The following EHMT1 variants were observed in gnomAD, a reference collection of about 807,000 sequenced individuals.
The protein encoded by EHMT1 is euchromatic histone lysine methyltransferase 1.
Under a neutral mutation model 147.2 loss-of-function variants are expected in EHMT1, and 15 were observed. The ratio of observed to expected loss-of-function variants is 0.10; its 90% CI spans 0.07 to 0.16. EHMT1 has a LOEUF of 0.16. EHMT1 is among the 10% of genes least tolerant of loss of function. The probability of loss-of-function intolerance (pLI) is 1.00; values close to 1 mark genes in which losing one functional copy is unlikely to be tolerated. For missense variants in EHMT1, 1,587 were observed against 1,772.4 expected (o/e 0.90, Z 1.88); for synonymous variants, 795 against 709.6 (o/e 1.12, Z -1.91).
intron 15 of EHMT1, among the ~76,000 whole-genome samples, chr9:137,790,433 G>A (rs1282065053): frequency 6.6e-6 from 1 of 152,154 alleles, no homozygotes; most frequent in African/African-American, 2.4e-5. Context: ...ACTTATTTTG[G>A]CGAGTACTAA....
chr9:137,643,727 T>C (rs1476733196), intron 1 of EHMT1, among the ~76,000 whole-genome samples: 1 of 152,174 alleles, frequency 6.6e-6, no homozygotes, highest in Non-Finnish European at 1.5e-5. Flanking sequence ...TGCTCATCTC[T>C]CAGGACCCTC....
rs1164728996 is a variant in EHMT1 at position 137,731,582 on chromosome 9, G to A, written c.823+3053G>A. ...CAGTGTCCATACAGAGCAGGAATCGGGGTACGTCCTATCCTGTTGTCACAG... is the reference window on the plus strand; with the variant it reads ...CAGTGTCCATACAGAGCAGGAATCGAGGTACGTCCTATCCTGTTGTCACAG... On this transcript the variant is annotated intron_variant, in intron 4 of 26. Coordinates refer to ENST00000460843, the MANE Select transcript of EHMT1 (RefSeq NM_024757.5). This position sits in a 1 kb window ranked among gnomAD's most constrained non-coding sequence, Gnocchi z 4.3. Among the ~76,000 whole-genome samples the A allele has an allele frequency of 1.3e-5, 2 of 152,178 alleles. No homozygotes were observed. The highest frequency in any genetic ancestry group is 4.8e-5 in the African/African-American group (2 of 41,440).
chr9:137,717,292 C>G, intron 3 of EHMT1, 110 bp downstream of exon 3: 2 of 1,388,716 alleles, frequency 1.4e-6, no homozygotes, highest in African/African-American at 1.4e-5. Flanking sequence ...CAGTGGTTAT[C>G]CGACAGGGCC....
chr9:137,764,778 C>T (rs1279156571), intron 10 of EHMT1: 1 of 152,200 alleles, frequency 6.6e-6, no homozygotes, highest in South Asian at 2.1e-4. Context: ...TGCAATGTCT[C>T]TTAAGTCTTT....
chr9:137,673,257 GGC>G (rs1940885947), intron 1 of EHMT1, among the ~76,000 whole-genome samples: 1 of 152,146 alleles, frequency 6.6e-6, no homozygotes, highest in African/African-American at 2.4e-5. Context: ...GCTCAGAGCT[GGC>G]CTGGACCAAG....
intron 4 of EHMT1, among the ~76,000 whole-genome samples, chr9:137,740,668 C>T (rs925990494): frequency 7.6e-5 from 9 of 117,852 alleles, no homozygotes; most frequent in Non-Finnish European, 1.4e-4. Context: ...TGTTTCTCTA[C>T]TATTTAATGT....
intron 1 of EHMT1, chr9:137,646,553 CCGA>C: frequency 1.5e-6 from 1 of 664,704 alleles, no homozygotes; most frequent in Non-Finnish European, 1.9e-6. Context: ...GGGGAGGCCC[CCGA>C]GCGTGTGGGC....
intron 3 of EHMT1, among the ~76,000 whole-genome samples, chr9:137,719,393 C>T (rs1216974781): frequency 6.6e-6 from 1 of 151,986 alleles, no homozygotes; most frequent in Non-Finnish European, 1.5e-5. Flanking sequence ...GCGTTGTGGG[C>T]CGGACTGCTG....
At chr9:137,773,758 G>A (rs1051551035) in intron 10 of EHMT1, among the ~76,000 whole-genome samples, 9 of 152,196 alleles carry the variant, frequency 5.9e-5, no homozygotes, top group African/African-American at 2.2e-4. Context: ...GTGCCAGACC[G>A]AATACGAAGA....
intron 1 of EHMT1, among the ~76,000 whole-genome samples, chr9:137,688,656 G>C (rs1383460364): frequency 6.6e-6 from 1 of 152,210 alleles, no homozygotes; most frequent in Admixed American, 6.5e-5. Context: ...GAAATACTTA[G>C]AAAATAAAAT....
chr9:137,625,268 A>G (rs1054172743), intron 1 of EHMT1, among the ~76,000 whole-genome samples: 4 of 152,110 alleles, frequency 2.6e-5, no homozygotes, highest in Admixed American at 6.6e-5. Context: ...CCTAATATTT[A>G]TCATGCGTTT....
chr9:137,804,918 TGTCA>T (rs767757750), intron 18 of EHMT1, among the ~76,000 whole-genome samples: 3 of 152,254 alleles, frequency 2.0e-5, no homozygotes, highest in Non-Finnish European at 4.4e-5. Context: ...ATTCCACATG[TGTCA>T]GTCATTTGCA....
chr9:137,830,584 C>G (rs1956123072), intron 25 of EHMT1, among the ~76,000 whole-genome samples: 1 of 152,158 alleles, frequency 6.6e-6, no homozygotes, highest in African/African-American at 2.4e-5. Context: ...CCAGATATTA[C>G]CGATAACAGT....
rs1955355696 is a variant in EHMT1, at chr9:137,820,852, C to T, written c.3540+2714C>T. ...TTATTTTAATTACTGTAGTTTACAT[C>T]TTCTCACCTTAGAGGTTTGTTTTGT... On this transcript the variant is annotated intron_variant, in intron 25 of 26. Transcript: ENST00000460843. Among the ~76,000 whole-genome samples, 5 of 150,302 alleles carry T rather than the reference C, an allele frequency of 3.3e-5. No individual in the cohort carries two copies. The South Asian group carries it at 1.0e-3, about 31-fold the overall frequency.
In EHMT1 at chr9:137,725,144, T is replaced by TGTGTGGCAGGC. The variant is rs915776590; in HGVS notation, c.643-3196_643-3186dup. Reference sequence around the variant, plus strand: ...ATTCATGGGGCATTCTTGTGGCAGGTGTGTGGCAGGCGTGTGGCATTCGTG... The same window carrying TGTGTGGCAGGC: ...ATTCATGGGGCATTCTTGTGGCAGGTGTGTGGCAGGCGTGTGGCAGGCGTGTGGCATTCGTG... On this transcript the variant is annotated intron_variant, in intron 3 of 26. Coordinates refer to ENST00000460843, the MANE Select transcript of EHMT1 (RefSeq NM_024757.5). 6.9e-4 allele frequency among the ~76,000 whole-genome samples: 83 copies of TGTGTGGCAGGC among 120,660 alleles called. 1 individual carries two copies. The highest frequency in any genetic ancestry group is 0.012 in the Middle Eastern group (2 of 162). The allele number at this position is 120,660 out of a possible 152,430, so 79.2% of individuals were successfully genotyped here.
At chr9:137,675,289 A>C (rs1337172069) in intron 1 of EHMT1, 1 of 152,196 alleles carries the variant, frequency 6.6e-6, no homozygotes, top group Non-Finnish European at 1.5e-5. Flanking sequence ...CTGGAATTAG[A>C]AAAATGAGTT....
chr9:137,715,546 A>G, intron 2 of EHMT1: 4 of 985,438 alleles, frequency 4.1e-6, no homozygotes, highest in Non-Finnish European at 4.8e-6. Context: ...GAAGGAGGGC[A>G]CTGGGCGGTG....
chr9:137,680,542 T>G (rs1941837706), intron 1 of EHMT1, among the ~76,000 whole-genome samples: 1 of 152,252 alleles, frequency 6.6e-6, no homozygotes, highest in African/African-American at 2.4e-5. Context: ...CCAGAAGGAA[T>G]AGTCCATGAG....
At chr9:137,801,745 G>A (rs112299989) in intron 18 of EHMT1, among the ~76,000 whole-genome samples, 66 of 152,080 alleles carry the variant, frequency 4.3e-4, no homozygotes, top group African/African-American at 1.5e-3. Context: ...TGATCTGCCC[G>A]CCTCAGCCTT....
Sources: allele counts gnomAD v4.1 joint callset (sites outside exome capture counted in the v4.1 genomes callset), GRCh38; gene constraint gnomAD v4.1.1; non-coding constraint Gnocchi (gnomAD v3.1); transcripts MANE v1.5; gene names NCBI Gene and HGNC (gene_info 2026-07-23, HGNC 2026-07-21).